Variants in KANTR observed in about 807,000 individuals in gnomAD.
KANTR encodes KANTR integral membrane protein, also known as KDM5C adjacent transcript.
At chrX:53,109,758 CT>C (rs34763193) in intron 2 of KANTR, among the ~76,000 whole-genome samples, 53 of 96,451 alleles carry the variant, frequency 5.5e-4, no homozygotes, top group African/African-American at 1.3e-3. Context: ...TTTTTTCTTT[CT>C]TTTTTTTTTT....
At chrX:53,125,597 C>T (rs1325728118) in exon 3 of KANTR, 1 of 110,752 alleles carries the variant, frequency 9.0e-6, no homozygotes, top group Non-Finnish European at 1.9e-5. Context: ...ATGTGTTTAA[C>T]TTATAAAGTC....
chrX:53,143,431 G>A, downstream of KANTR: 1 of 615,174 alleles, frequency 1.6e-6, no homozygotes, highest in Non-Finnish European at 2.7e-6. Flanking sequence ...TGGGTACCAT[G>A]TAGGTGGCCC....
At chrX:53,104,199 T>G (rs1056056224) in intron 2 of KANTR, among the ~76,000 whole-genome samples, 4 of 109,830 alleles carry the variant, frequency 3.6e-5, no homozygotes, top group African/African-American at 1.3e-4. Flanking sequence ...AATAAATAAA[T>G]AAAAGTATAC....
At chrX:53,142,787 A>G, downstream of KANTR, 2 of 467,469 alleles carry the variant, frequency 4.3e-6, no homozygotes, top group Admixed American at 5.1e-5. Context: ...GACTCATCAT[A>G]CATACCTGAT....
downstream of KANTR, among the ~76,000 whole-genome samples, chrX:53,147,703 C>T (rs1357809053): frequency 1.8e-5 from 2 of 110,791 alleles, no homozygotes; most frequent in Non-Finnish European, 3.8e-5. Flanking sequence ...CCAAAATTGA[C>T]CACATAGTTG....
chrX:53,120,179 G>A (rs1556815284), intron 2 of KANTR, among the ~76,000 whole-genome samples: 3 of 110,419 alleles, frequency 2.7e-5, no homozygotes, highest in African/African-American at 9.9e-5. Flanking sequence ...GGACTACAGG[G>A]GCATGCCACC....
intron 2 of KANTR, among the ~76,000 whole-genome samples, chrX:53,102,018 G>A (rs1482811298): frequency 1.4e-4 from 14 of 103,683 alleles, no homozygotes; most frequent in Non-Finnish European, 2.6e-4. Flanking sequence ...AAAAAAAAAA[G>A]ATCACTGATC....
intron 2 of KANTR, among the ~76,000 whole-genome samples, chrX:53,103,274 C>T (rs1334185681): frequency 1.2e-4 from 13 of 111,125 alleles, no homozygotes; most frequent in Admixed American, 9.6e-4. Flanking sequence ...CTGTGCCAAG[C>T]CTGACCCTTG....
chrX:53,112,062 T>C (rs145837483), intron 2 of KANTR, among the ~76,000 whole-genome samples: 1,610 of 110,774 alleles, frequency 0.015, 34 homozygotes, highest in African/African-American at 0.051. Context: ...GAGATTTTGG[T>C]GTACCCATCA....
intron 2 of KANTR, among the ~76,000 whole-genome samples, chrX:53,133,212 A>G (rs1933381100): frequency 9.1e-6 from 1 of 109,714 alleles, no homozygotes; most frequent in African/African-American, 3.3e-5. Flanking sequence ...TACAAGAAAT[A>G]CAAAATTAGC....
chrX:53,095,479 C>G (rs899063808), intron 1 of KANTR, among the ~76,000 whole-genome samples: 5 of 109,954 alleles, frequency 4.5e-5, no homozygotes, highest in Non-Finnish European at 7.6e-5. Flanking sequence ...TTTTGAAATG[C>G]TTCACTATTC....
intron 2 of KANTR, among the ~76,000 whole-genome samples, chrX:53,137,294 A>T (rs1260411041): frequency 8.9e-6 from 1 of 112,062 alleles, no homozygotes. Flanking sequence ...CTTCTTTAAT[A>T]CTTACTGGAC....
chrX:53,134,000 C>T (rs1556817328), intron 2 of KANTR, among the ~76,000 whole-genome samples: 1 of 111,651 alleles, frequency 9.0e-6, no homozygotes, highest in East Asian at 2.8e-4. Context: ...CCATAACCAG[C>T]TTAGCTTCCA....
chrX:53,124,486 C>T (rs782764381), exon 3 of KANTR: 2 of 294,046 alleles, frequency 6.8e-6, no homozygotes, highest in Admixed American at 1.3e-4. Context: ...TGGGTTTATT[C>T]TGTTGTTCTT....
rs182785921 is a variant in KANTR at position 53,111,093 on chromosome X, G to A, written c.-805+11485G>A. The stretch of plus-strand genomic sequence containing the variant: ...TGCAGTGGTGCAATCACAGCCCACC[G>A]CCTCAACCTCCTGGGCTTAAGCAGT... On this transcript the variant is annotated intron_variant, in intron 2 of 2. Coordinates refer to ENST00000604062, the Ensembl canonical transcript of KANTR. 5.0e-3 allele frequency among the ~76,000 whole-genome samples: 536 copies of A among 108,114 alleles called. 2 individuals are homozygous for A. Among genetic ancestry groups the A allele is most frequent in the Non-Finnish European group, 8.6e-3 (447 of 52,072 alleles). 93.9% of individuals were successfully genotyped at this position (108,114 alleles called of 115,157 possible). A position where few individuals can be genotyped will look rare whatever the true frequency, so the allele number is the denominator to read the frequency against.
intron 2 of KANTR, among the ~76,000 whole-genome samples, chrX:53,112,393 G>A (rs1231452972): frequency 8.9e-6 from 1 of 112,000 alleles, no homozygotes; most frequent in Non-Finnish European, 1.9e-5. Context: ...ATTTGGGCTG[G>A]TGCCATGTTT....
intron 2 of KANTR, among the ~76,000 whole-genome samples, chrX:53,112,865 A>G (rs375095350): frequency 9.0e-6 from 1 of 110,975 alleles, no homozygotes; most frequent in East Asian, 2.8e-4. Flanking sequence ...GTAATTCAAA[A>G]ATTTGCTCTT....
At chrX:53,134,613 G>T (rs782772341) in intron 2 of KANTR, among the ~76,000 whole-genome samples, 3 of 111,460 alleles carry the variant, frequency 2.7e-5, no homozygotes, top group Non-Finnish European at 3.8e-5. Context: ...AACACAAAGA[G>T]ATTTCAAACC....
At chrX:53,109,974 C>T (rs1420492138) in intron 2 of KANTR, among the ~76,000 whole-genome samples, 1 of 110,983 alleles carries the variant, frequency 9.0e-6, no homozygotes, top group Non-Finnish European at 1.9e-5. Flanking sequence ...AGGGTGGTCT[C>T]GAACTCCTGG....
Sources: gnomAD v4.1 joint callset for allele counts (sites outside exome capture counted in the v4.1 genomes callset) on GRCh38, gnomAD v4.1.1 for gene constraint, MANE v1.5 for transcripts, NCBI Gene and HGNC (gene_info 2026-07-23, HGNC 2026-07-21) for gene names.